The following AKAP9 variants were observed in gnomAD, a reference collection of about 807,000 sequenced individuals.
AKAP9 encodes the protein A-kinase anchoring protein 9, also known as A-kinase anchor protein 9.
A neutral mutation model predicts 488.5 loss-of-function variants in AKAP9; 311 were observed. The observed-to-expected ratio is 0.64, with a 90% confidence interval of 0.58 to 0.70. AKAP9 has a LOEUF of 0.70. AKAP9 is among the 30% of genes least tolerant of loss of function. AKAP9 has a pLI of 0.00. For synonymous variants in AKAP9, 1,462 were observed against 1,483.5 expected (o/e 0.99, Z 0.33); for missense variants, 4,215 against 4,374.5 (o/e 0.96, Z 1.03).
At chr7:92,009,178 G>C (rs1187020099) in intron 8 of AKAP9, among the ~76,000 whole-genome samples, 1 of 151,964 alleles carries the variant, frequency 6.6e-6, no homozygotes, top group Admixed American at 6.6e-5. Flanking sequence ...AAATCAGCCA[G>C]ATGTCTGCAG....
At chr7:91,986,719 G>A (rs1467870442) in intron 3 of AKAP9, among the ~76,000 whole-genome samples, 1 of 152,002 alleles carries the variant, frequency 6.6e-6, no homozygotes, top group Non-Finnish European at 1.5e-5. Flanking sequence ...TCCAAAAAAT[G>A]TATTGAACCT....
intron 47 of AKAP9, 129 bp from the exon 48 acceptor site, chr7:92,107,164 A>C (rs1818638434): frequency 1.1e-6 from 1 of 930,548 alleles, no homozygotes; most frequent in Non-Finnish European, 1.6e-6. Flanking sequence ...GAATAATAGA[A>C]AATGACTATA....
At chr7:92,037,787 A>G (rs1805435928) in intron 16 of AKAP9, among the ~76,000 whole-genome samples, 1 of 152,236 alleles carries the variant, frequency 6.6e-6, no homozygotes, top group South Asian at 2.1e-4. Context: ...CAATTATATA[A>G]TTACAAATAT....
intron 14 of AKAP9, among the ~76,000 whole-genome samples, chr7:92,029,645 C>T (rs910992592): frequency 1.3e-5 from 2 of 152,136 alleles, no homozygotes; most frequent in African/African-American, 4.8e-5. Context: ...CTTATGGTTC[C>T]ATATCATACA....
intron 40 of AKAP9, among the ~76,000 whole-genome samples, chr7:92,095,393 A>G (rs1563135993): frequency 6.6e-6 from 1 of 152,206 alleles, no homozygotes; most frequent in African/African-American, 2.4e-5. Context: ...ACATCCAAAG[A>G]TGCATATAGA....
intron 1 of AKAP9, among the ~76,000 whole-genome samples, chr7:91,944,352 G>A (rs753084851): frequency 2.0e-5 from 3 of 151,264 alleles, no homozygotes; most frequent in Non-Finnish European, 2.9e-5. Flanking sequence ...CCAAATTCTT[G>A]ATACAATGTA....
chr7:91,955,980 A>C (rs1792939703), intron 1 of AKAP9, among the ~76,000 whole-genome samples: 1 of 152,168 alleles, frequency 6.6e-6, no homozygotes, highest in South Asian at 2.1e-4. Context: ...AAAAATTATT[A>C]TGTATTTCCT....
At chr7:92,092,001 T>C (rs1474437110) in intron 38 of AKAP9, 1 of 152,204 alleles carries the variant, frequency 6.6e-6, no homozygotes, top group East Asian at 1.9e-4. Flanking sequence ...GTATTACATA[T>C]TTATGGTAGA....
At chr7:92,009,984 A>T (rs1249574993) in intron 8 of AKAP9, among the ~76,000 whole-genome samples, 2 of 152,148 alleles carry the variant, frequency 1.3e-5, no homozygotes, top group Non-Finnish European at 2.9e-5. Context: ...GGCTCAAGTG[A>T]TCCTCCCAAT....
At chr7:92,016,691 G>A (rs891901888) in intron 11 of AKAP9, among the ~76,000 whole-genome samples, 3 of 151,962 alleles carry the variant, frequency 2.0e-5, no homozygotes, top group Admixed American at 6.6e-5. Flanking sequence ...CTATAAGTTT[G>A]TTTTAACAAA....
At position 92,040,780 on chromosome 7, in the gene AKAP9, A is replaced by C; in HGVS notation, c.4799A>C (p.Glu1600Ala). The C allele has an allele frequency of 6.2e-7, 1 of 1,614,068 alleles. No individual in the cohort carries two copies. Among genetic ancestry groups the C allele is most frequent in the Non-Finnish European group, 8.5e-7 (1 of 1,180,004 alleles). The change falls in exon 18 of 50, where the codon GAA (glutamate) becomes GCA (alanine). Residue 1600 changes from glutamate (E) to alanine (A), a missense_variant. Physicochemically the swap from Glu to Ala is moderately radical, Grantham distance 107. Coordinates refer to ENST00000356239, the MANE Select transcript of AKAP9 (RefSeq NM_005751.5). ...CAGGAACTTGTACGACAATACCAAG[A>C]ACATCAACAGGCAACGGAATTGTTA... is the stretch of plus-strand genomic sequence containing the variant. The part of the protein sequence containing the change: ...MRQELVRQYQ[E>A]HQQATELLRQ...
chr7:92,038,946 G>A (rs996705409), intron 17 of AKAP9, among the ~76,000 whole-genome samples, 174 bp downstream of exon 17: 10 of 152,020 alleles, frequency 6.6e-5, no homozygotes, highest in East Asian at 1.9e-4. Context: ...TCACTCTGTC[G>A]CCAGGGTGGA....
chr7:92,011,517 CTG>C (rs1246475282), intron 8 of AKAP9, among the ~76,000 whole-genome samples: 1 of 152,082 alleles, frequency 6.6e-6, no homozygotes, highest in Admixed American at 6.5e-5. Flanking sequence ...TCTTGAAAAA[CTG>C]ATTGTAAAAT....
intron 1 of AKAP9, among the ~76,000 whole-genome samples, chr7:91,960,732 A>G (rs1793624589): frequency 6.6e-6 from 1 of 152,204 alleles, no homozygotes; most frequent in African/African-American, 2.4e-5. Context: ...TCCTCACTAC[A>G]TGTCTTACTT....
intron 21 of AKAP9, among the ~76,000 whole-genome samples, chr7:92,047,467 C>T (rs987577005): frequency 9.2e-5 from 14 of 152,168 alleles, no homozygotes; most frequent in Admixed American, 2.6e-4. Context: ...GATCCACCAA[C>T]CTCGGCCTCC....
In AKAP9 at chr7:92,001,197, A is replaced by G. The variant is rs1158453675; in HGVS notation, c.1280A>G (p.Gln427Arg). The part of the protein sequence containing the change: ...DIVQRMEQET[Q>R]RKLEQLRAEL... Reference sequence around the variant, plus strand: ...GTACAACGAATGGAACAAGAAACACAAAGAAAGTTAGAACAACTCCGGGCA... The same window carrying G: ...GTACAACGAATGGAACAAGAAACACGAAGAAAGTTAGAACAACTCCGGGCA... Residue 427 changes from glutamine to arginine, a missense_variant, in exon 8 of 50, where the codon CAA becomes CGA. Transcript: ENST00000356239. 6.2e-7 allele frequency: 1 copy of G among 1,614,080 alleles called. No individual in the cohort carries two copies.
chr7:91,997,395 G>T (rs1432063068), intron 7 of AKAP9, among the ~76,000 whole-genome samples: 2 of 152,190 alleles, frequency 1.3e-5, no homozygotes, highest in African/African-American at 4.8e-5. Flanking sequence ...TCCATTTGAG[G>T]TAAGTTTATA....
intron 10 of AKAP9, among the ~76,000 whole-genome samples, chr7:92,015,584 G>C (rs1488104527): frequency 6.6e-6 from 1 of 151,984 alleles, no homozygotes; most frequent in Non-Finnish European, 1.5e-5. Flanking sequence ...GGCTGGTCTT[G>C]AACTCCTGAC....
In AKAP9 at chr7:91,973,740, G is replaced by A. The variant is rs1030567089; in HGVS notation, c.78G>A (p.Gln26=). 2 of 1,613,816 alleles carry A rather than the reference G, an allele frequency of 1.2e-6. No homozygotes were observed. The highest frequency in any genetic ancestry group is 1.7e-5 in the Admixed American group (1 of 59,992). ...KLAQFRQRKA[Q]SDGQSPSKKQ... ...CCCAGTTTCGACAAAGAAAAGCTCA[G>A]TCGGATGGGCAGAGTCCTTCCAAGA... Residue 26 remains glutamine (Q), a synonymous_variant, in exon 2 of 50, where the codon CAG becomes CAA. Coordinates refer to ENST00000356239, the MANE Select transcript of AKAP9 (RefSeq NM_005751.5).
Sources: gnomAD v4.1 joint callset for allele counts (sites outside exome capture counted in the v4.1 genomes callset) on GRCh38, gnomAD v4.1.1 for gene constraint, MANE v1.5 for transcripts, NCBI Gene and HGNC (gene_info 2026-07-23, HGNC 2026-07-21) for gene names.